The following BCL11B variants were observed in gnomAD, a reference collection of about 807,000 sequenced individuals.
BCL11B encodes B-cell lymphoma/leukemia 11B.
In BCL11B, 8 loss-of-function variants were observed where a neutral mutation model predicts 49.9. The observed-to-expected ratio is 0.16, with a 90% CI of 0.09 to 0.29. BCL11B has a LOEUF of 0.29. BCL11B is among the 10% of genes least tolerant of loss of function. The pLI is 1.00. For missense variants in BCL11B, 1,006 were observed against 1,351.0 expected, an observed-to-expected ratio of 0.74 and a Z score of 4.00; for synonymous variants, 739 against 637.4, an observed-to-expected ratio of 1.16 and a Z score of -2.40.
intron 3 of BCL11B, among the ~76,000 whole-genome samples, chr14:99,223,459 C>T (rs1185671964): frequency 6.6e-6 from 1 of 152,198 alleles, no homozygotes; most frequent in African/African-American, 2.4e-5. Context: ...GTACAGAGAA[C>T]ACAAATTCTC....
At chr14:99,224,123 G>C (rs1888092798) in intron 3 of BCL11B, among the ~76,000 whole-genome samples, 1 of 152,172 alleles carries the variant, frequency 6.6e-6, no homozygotes, top group Admixed American at 6.5e-5. Context: ...GACCCTCCCA[G>C]GTACCATATC....
At chr14:99,220,560 G>C (rs1000557108) in intron 3 of BCL11B, among the ~76,000 whole-genome samples, 2 of 152,200 alleles carry the variant, frequency 1.3e-5, no homozygotes, top group African/African-American at 4.8e-5. Context: ...ACAGAACGGA[G>C]AATGGGGGGC....
rs1260157126 is a variant in BCL11B at position 99,241,177 on chromosome 14, G to GT, written c.428-9621dup. ...ATGCCACTTACTTGGTTTTGAAACT[G>GT]TTTTTTTATTATTTTTTTTAAATCT... On this transcript the variant is annotated intron_variant, in intron 2 of 3. Coordinates refer to ENST00000357195, the MANE Select transcript of BCL11B (RefSeq NM_138576.4). This position sits in a 1 kb window ranked among gnomAD's most constrained non-coding sequence, Gnocchi z 4.4. Among the ~76,000 whole-genome samples, 1 of 151,958 alleles carries GT rather than the reference G, an allele frequency of 6.6e-6. No individual in the cohort carries two copies. Among genetic ancestry groups the GT allele is most frequent in the East Asian group, 1.9e-4 (1 of 5,180 alleles).
chr14:99,198,142 T>C (rs1225884940), intron 3 of BCL11B, among the ~76,000 whole-genome samples: 1 of 152,238 alleles, frequency 6.6e-6, no homozygotes, highest in African/African-American at 2.4e-5. Context: ...AACTTTTCTT[T>C]CCACTGAGAA....
intron 3 of BCL11B, among the ~76,000 whole-genome samples, chr14:99,199,677 TGTGTGTGCGCGCGCGCGCGCACGTGCAC>T (rs766422594): frequency 0.26 from 29,114 of 111,770 alleles, 3,438 homozygotes; most frequent in Non-Finnish European, 0.36. Flanking sequence ...TGTGTGTGTG[TGTGTGTGCGCGCGCGCGCGCACGTGCAC>T]GTGTGTGCGT....
intron 3 of BCL11B, among the ~76,000 whole-genome samples, chr14:99,190,913 G>GC (rs968445677): frequency 5.9e-5 from 9 of 151,824 alleles, no homozygotes; most frequent in Non-Finnish European, 1.3e-4. Context: ...CACACGGGGG[G>GC]GGTCACCCTC....
At position 99,234,997 on chromosome 14, in the gene BCL11B, G is replaced by A. The variant is rs1177726428; in HGVS notation, c.428-3440C>T. Among the ~76,000 whole-genome samples the A allele has an allele frequency of 4.0e-5, 6 of 151,766 alleles. 1 individual carries two copies. The South Asian group carries it at 6.3e-4, about 16-fold the overall frequency. ...AGCATTCCACAGGGGTCTGTCACCC[G>A]TCTCTCTTCTAGAGGGACTTTGCAG... On this transcript the variant is annotated intron_variant, in intron 2 of 3. Coordinates refer to ENST00000357195, the MANE Select transcript of BCL11B (RefSeq NM_138576.4).
intron 2 of BCL11B, among the ~76,000 whole-genome samples, chr14:99,251,006 A>T (rs1888994009): frequency 6.6e-6 from 1 of 152,156 alleles, no homozygotes; most frequent in Non-Finnish European, 1.5e-5. Flanking sequence ...TTCACATGGC[A>T]GGTGGGTCCA....
intron 2 of BCL11B, among the ~76,000 whole-genome samples, chr14:99,245,092 A>G (rs986219465): frequency 4.6e-5 from 7 of 152,102 alleles, no homozygotes; most frequent in African/African-American, 1.7e-4. Context: ...ATGTTTGAAC[A>G]TTTTCTTAAG....
chr14:99,227,479 A>G (rs895934632), intron 3 of BCL11B, among the ~76,000 whole-genome samples: 1 of 152,146 alleles, frequency 6.6e-6, no homozygotes, highest in Non-Finnish European at 1.5e-5. Flanking sequence ...ACCGCTTTCC[A>G]ATCATGGAAG....
chr14:99,210,718 A>T (rs1353618782), intron 3 of BCL11B, among the ~76,000 whole-genome samples: 1 of 152,190 alleles, frequency 6.6e-6, no homozygotes, highest in Non-Finnish European at 1.5e-5. Flanking sequence ...GGGAATAAGG[A>T]TGTCCCCAAA....
chr14:99,250,256 C>T (rs1277117273), intron 2 of BCL11B, among the ~76,000 whole-genome samples: 3 of 151,870 alleles, frequency 2.0e-5, no homozygotes, highest in African/African-American at 4.8e-5. Flanking sequence ...AGGATGGTCT[C>T]GATCACCTGA....
At chr14:99,199,692 G>GCA (rs1181735686) in intron 3 of BCL11B, among the ~76,000 whole-genome samples, 3 of 63,798 alleles carry the variant, frequency 4.7e-5, no homozygotes, top group Admixed American at 1.6e-4. Context: ...GTGCGCGCGC[G>GCA]CGCGCACGTG....
In BCL11B at chr14:99,259,214, G is replaced by A. The variant is rs145052655; in HGVS notation, c.59-1375C>T. On this transcript the variant is annotated intron_variant, in intron 1 of 3. Transcript: ENST00000357195. ...AATTTTAAGTTGTATGGTATTTAGG[G>A]AAGGATAATGAAAACCACAGAGGAA... Among the ~76,000 whole-genome samples the A allele has an allele frequency of 1.8e-3, 276 of 152,280 alleles. 3 individuals carry two copies. In the South Asian group the frequency reaches 0.033, roughly 18 times the overall value.
intron 1 of BCL11B, among the ~76,000 whole-genome samples, chr14:99,263,409 G>A (rs892935503): frequency 6.6e-6 from 1 of 152,220 alleles, no homozygotes; most frequent in African/African-American, 2.4e-5. Context: ...GGCTTCCCAG[G>A]AAAATGACCA....
chr14:99,250,152 C>G (rs1207216499), intron 2 of BCL11B, among the ~76,000 whole-genome samples: 1 of 151,246 alleles, frequency 6.6e-6, no homozygotes, highest in Non-Finnish European at 1.5e-5. Context: ...TCTCCTGCCT[C>G]AGCCTCCTGA....
intron 3 of BCL11B, among the ~76,000 whole-genome samples, chr14:99,209,849 G>A (rs2693693): frequency 0.11 from 16,979 of 152,022 alleles, 1,524 homozygotes; most frequent in African/African-American, 0.25. Flanking sequence ...GCTCAGGATG[G>A]CCTGGCACCC....
rs1001046996 is a variant in BCL11B, at chr14:99,192,755, T to C, written c.641-16560A>G. Among the ~76,000 whole-genome samples the C allele has an allele frequency of 6.6e-6, 1 of 152,178 alleles. No homozygotes were observed. Among genetic ancestry groups the C allele is most frequent in the Non-Finnish European group, 1.5e-5 (1 of 68,030 alleles). ...GAGCTCCAAGTTCCTTATCCATAAATGCGAGTGACACCTGTATTGAGGATG... is the reference window on the plus strand; with the variant it reads ...GAGCTCCAAGTTCCTTATCCATAAACGCGAGTGACACCTGTATTGAGGATG... On this transcript the variant is annotated intron_variant, in intron 3 of 3. Coordinates refer to ENST00000357195, the MANE Select transcript of BCL11B (RefSeq NM_138576.4). This position sits in a 1 kb window ranked among gnomAD's most constrained non-coding sequence, Gnocchi z 4.0.
chr14:99,175,888 G>T lies in BCL11B; in HGVS notation c.948C>A (p.Leu316=), dbSNP rs1180127542. The change falls in exon 4 of 4, where the codon CTC becomes CTA. Residue 316 remains leucine (L), a synonymous_variant. Coordinates refer to ENST00000357195, the MANE Select transcript of BCL11B (RefSeq NM_138576.4). ...GEGRLPGTPP[L]FSPPPRHHLD... Reference sequence around the variant, plus strand: ...GGTGGTGGCGCGGCGGGGGACTGAAGAGAGGCGGCGTGCCCGGCAGGCGGC... The same window carrying T: ...GGTGGTGGCGCGGCGGGGGACTGAATAGAGGCGGCGTGCCCGGCAGGCGGC... The T allele has an allele frequency of 6.8e-7, 1 of 1,464,462 alleles. No individual in the cohort carries two copies. 90.7% of individuals were successfully genotyped at this position (1,464,462 alleles called of 1,614,324 possible).
Sources: gnomAD v4.1 joint callset for allele counts (sites outside exome capture counted in the v4.1 genomes callset) on GRCh38, gnomAD v4.1.1 for gene constraint, Gnocchi (gnomAD v3.1) non-coding constraint, MANE v1.5 for transcripts, NCBI Gene and HGNC (gene_info 2026-07-23, HGNC 2026-07-21) for gene names.